Variants in PHTF1 observed in about 807,000 individuals in gnomAD.
The protein encoded by PHTF1 is putative homeodomain transcription factor 1, also known as protein PHTF1.
In PHTF1, 88 loss-of-function variants were observed where a neutral mutation model predicts 102.4. The observed-to-expected ratio is 0.86, with a 90% CI of 0.72 to 1.03. PHTF1 has a LOEUF of 1.03. Among genes scored for constraint, PHTF1 ranks in the 50% least tolerant of loss-of-function variants. The probability of loss-of-function intolerance (pLI) is 0.00; values close to 1 mark genes in which losing one functional copy is unlikely to be tolerated. For synonymous variants in PHTF1, 289 were observed against 305.2 expected (o/e 0.95, Z 0.55); for missense variants, 814 against 909.5 (o/e 0.89, Z 1.35).
intron 8 of PHTF1, 133 bp downstream of exon 8, chr1:113,713,146 C>T: frequency 1.3e-6 from 1 of 749,742 alleles, no homozygotes; most frequent in Non-Finnish European, 2.3e-6. Flanking sequence ...ATCTTCTTTT[C>T]ATATCCTGTG....
chr1:113,757,040 G>C (rs1437228209), intron 3 of PHTF1, among the ~76,000 whole-genome samples: 34 of 152,180 alleles, frequency 2.2e-4, no homozygotes, highest in Admixed American at 1.3e-3. Context: ...GGTGGTGGGC[G>C]CCTGTAGTCC....
intron 16 of PHTF1, 152 bp downstream of exon 16, chr1:113,700,642 A>G: frequency 1.7e-6 from 1 of 601,718 alleles, no homozygotes; most frequent in Non-Finnish European, 2.8e-6. Context: ...TATTAGGGAT[A>G]AGCAACTACA....
At chr1:113,725,399 C>T (rs1162294472) in intron 6 of PHTF1, 3 of 152,078 alleles carry the variant, frequency 2.0e-5, no homozygotes, top group Non-Finnish European at 4.4e-5. Flanking sequence ...ACTGAATTTA[C>T]AAGAAATCTT....
In PHTF1 at chr1:113,704,110, G is replaced by C. The variant is rs1279388622; in HGVS notation, c.1861C>G (p.Leu621Val). The C allele has an allele frequency of 1.9e-6, 3 of 1,613,200 alleles. No homozygotes were observed. In the East Asian group the frequency reaches 6.7e-5, roughly 36 times the overall value. Reference protein sequence around the residue: ...VVVSSVFLLTLSIAFICCAQV... With the variant: ...VVVSSVFLLTVSIAFICCAQV... ...GCACAACAAATGAAAGCAATCGAAA[G>C]TGTCAGTAGGAAAACCGAGGATACA... The change falls in exon 15 of 19, where the codon CTT (leucine) becomes GTT (valine). Residue 621 changes from leucine (L) to valine (V), a missense_variant. Leu to Val is a conservative substitution (Grantham distance 32, BLOSUM62 1). Transcript: ENST00000369604.
chr1:113,738,337 T>TA (rs1655841192), intron 4 of PHTF1, 69 bp from the exon 5 acceptor site: 3 of 1,202,884 alleles, frequency 2.5e-6, no homozygotes, highest in Admixed American at 2.2e-5. Flanking sequence ...CCTGTAGCAC[T>TA]ACATTAAAAA....
chr1:113,721,695 A>T (rs538025573), intron 7 of PHTF1, among the ~76,000 whole-genome samples: 9 of 152,016 alleles, frequency 5.9e-5, no homozygotes, highest in Admixed American at 3.3e-4. Flanking sequence ...AATCAATAGC[A>T]TTTCTTTTTT....
At chr1:113,747,058 C>G (rs1483467139) in intron 3 of PHTF1, 1 of 152,246 alleles carries the variant, frequency 6.6e-6, no homozygotes, top group Non-Finnish European at 1.5e-5. Context: ...ATAAGATTAT[C>G]ATGAGGATCA....
At chr1:113,757,568 C>T (rs1659072689) in intron 3 of PHTF1, 131 bp downstream of exon 3, 4 of 664,504 alleles carry the variant, frequency 6.0e-6, no homozygotes, top group Non-Finnish European at 1.1e-5. Context: ...GCTTGCACTG[C>T]TTTTCTTATA....
chr1:113,745,417 A>C (rs1029221138), intron 3 of PHTF1, among the ~76,000 whole-genome samples: 1 of 152,208 alleles, frequency 6.6e-6, no homozygotes, highest in Non-Finnish European at 1.5e-5. Flanking sequence ...AACCTACCCC[A>C]GTAATCTAAT....
chr1:113,746,320 A>G (rs970903226), intron 3 of PHTF1, among the ~76,000 whole-genome samples: 5 of 152,218 alleles, frequency 3.3e-5, no homozygotes, highest in African/African-American at 1.2e-4. Context: ...TTAGCAATTC[A>G]CTGAATAGGA....
chr1:113,702,327 C>T (rs1001794262), intron 15 of PHTF1, among the ~76,000 whole-genome samples: 4 of 151,464 alleles, frequency 2.6e-5, no homozygotes, highest in Non-Finnish European at 4.4e-5. Context: ...AAAAAGATGA[C>T]AAGAGGAATG....
Position 113,759,121 on chromosome 1 carries a change from C to T in PHTF1, c.-129G>A. 1.0e-6 allele frequency: 1 copy of T among 979,936 alleles called. No individual in the cohort carries two copies. The highest frequency in any genetic ancestry group is 1.2e-6 in the Non-Finnish European group (1 of 824,266). The allele number at this position is 979,936 out of a possible 1,614,324, so 60.7% of individuals were successfully genotyped here. ...GGGGCGAGGCGGCGGGCCAGGCAGGCCGCATCTTCCCCTCCAGGCGGAGAC... is the reference window on the plus strand; with the variant it reads ...GGGGCGAGGCGGCGGGCCAGGCAGGTCGCATCTTCCCCTCCAGGCGGAGAC... On this transcript the variant is annotated 5_prime_UTR_variant, in exon 1 of 19. Coordinates refer to ENST00000369604, the MANE Select transcript of PHTF1 (RefSeq NM_001323043.2).
In PHTF1 at chr1:113,706,654, C is replaced by T. The variant is rs1467905612; in HGVS notation, c.1338G>A (p.Gly446=). The T allele has an allele frequency of 1.9e-6, 3 of 1,610,620 alleles. No individual in the cohort carries two copies. The highest frequency in any genetic ancestry group is 1.7e-6 in the Non-Finnish European group (2 of 1,177,998). ...SDRVSAIIWE[G]NECKKMDMSV... is the part of the protein sequence containing the mutation. The stretch of plus-strand genomic sequence containing the variant: ...ACATATCCATCTTTTTGCACTCATT[C>T]CCCTCCCAGATTATTGCACTAACTC... The change falls in exon 12 of 19, where the codon GGG becomes GGA. Residue 446 remains glycine, a synonymous_variant. Transcript: ENST00000369604.
intron 3 of PHTF1, among the ~76,000 whole-genome samples, chr1:113,747,125 G>A (rs767031389): frequency 7.9e-5 from 12 of 152,148 alleles, no homozygotes; most frequent in Non-Finnish European, 1.3e-4. Flanking sequence ...AATGATTACA[G>A]CATCACCAAA....
chr1:113,698,618 T>TACAC (rs766015256), intron 17 of PHTF1, among the ~76,000 whole-genome samples: 133 of 115,832 alleles, frequency 1.1e-3, no homozygotes, highest in African/African-American at 3.5e-3. Context: ...TATATATATA[T>TACAC]ATACACACAC....
intron 5 of PHTF1, among the ~76,000 whole-genome samples, chr1:113,733,060 AT>A (rs386368123): frequency 1.8e-3 from 155 of 84,132 alleles, no homozygotes; most frequent in African/African-American, 6.5e-3. Context: ...CGCCTGGCTA[AT>A]TTTTTTTTTT....
At chr1:113,718,732 C>T (rs1652462275) in intron 7 of PHTF1, among the ~76,000 whole-genome samples, 1 of 152,190 alleles carries the variant, frequency 6.6e-6, no homozygotes, top group Admixed American at 6.5e-5. Context: ...TGTACATTGG[C>T]CCCTTTCAGC....
intron 5 of PHTF1, among the ~76,000 whole-genome samples, chr1:113,734,218 C>T (rs189613634): frequency 3.2e-4 from 48 of 152,284 alleles, no homozygotes; most frequent in African/African-American, 1.0e-3. Context: ...CAAGATCACG[C>T]CACTGTACTT....
chr1:113,702,542 A>G (rs941114192), intron 15 of PHTF1, among the ~76,000 whole-genome samples: 1 of 152,100 alleles, frequency 6.6e-6, no homozygotes, highest in African/African-American at 2.4e-5. Context: ...CCTTGAAGCC[A>G]GGAGTTCGAG....
Sources: gnomAD v4.1 joint callset for allele counts (sites outside exome capture counted in the v4.1 genomes callset) on GRCh38, gnomAD v4.1.1 for gene constraint, MANE v1.5 for transcripts, NCBI Gene and HGNC (gene_info 2026-07-23, HGNC 2026-07-21) for gene names.